WHRN: variants seen among roughly 807,000 people sequenced by gnomAD.
WHRN encodes the protein CASK-interacting protein CIP98.
A neutral mutation model predicts 68.3 loss-of-function variants in WHRN; 41 were observed. The observed-to-expected ratio is 0.60, with a 90% CI of 0.47 to 0.78. WHRN has a LOEUF of 0.78. Among genes scored for constraint, WHRN ranks in the 30% least tolerant of loss-of-function variants. The probability of loss-of-function intolerance (pLI) is 0.00; values close to 1 mark genes in which losing one functional copy is unlikely to be tolerated. For missense variants in WHRN, 1,243 were observed against 1,244.7 expected (o/e 1.00, Z 0.02); for synonymous variants, 560 against 561.3 (o/e 1.00, Z 0.03).
chr9:114,460,661 GA>G (rs1323075096), intron 3 of WHRN, among the ~76,000 whole-genome samples: 1 of 152,146 alleles, frequency 6.6e-6, no homozygotes, highest in Non-Finnish European at 1.5e-5. Flanking sequence ...CAAATGCTGA[GA>G]ACCTGCCTGA....
chr9:114,419,123 G>C (rs1304058242), intron 7 of WHRN, among the ~76,000 whole-genome samples: 1 of 152,154 alleles, frequency 6.6e-6, no homozygotes, highest in African/African-American at 2.4e-5. Flanking sequence ...AGATGGCAGG[G>C]GTAACAACAG....
Position 114,403,315 on chromosome 9 carries a change from T to C in WHRN, c.2443A>G (p.Thr815Ala), listed in dbSNP as rs1169575344. The change falls in exon 11 of 12, where the codon ACT (threonine) becomes GCT (alanine). Residue 815 changes from threonine (T) to alanine (A), a missense_variant. Transcript: ENST00000362057. ...GCACTTTTCTTCACACGGACCAGAGTGGACGTGGGCTCCAGAAGTCCAGGC... is the reference window on the plus strand; with the variant it reads ...GCACTTTTCTTCACACGGACCAGAGCGGACGTGGGCTCCAGAAGTCCAGGC... Reference protein sequence around the residue: ...KPPGLLEPTSTLVRVKKSAAT... With the variant: ...KPPGLLEPTSALVRVKKSAAT... The C allele has an allele frequency of 6.2e-7, 1 of 1,613,686 alleles. No homozygotes were observed.
intron 1 of WHRN, among the ~76,000 whole-genome samples, chr9:114,493,379 T>TGGGGGGGGTG (rs60740371): frequency 2.8e-5 from 1 of 35,418 alleles, no homozygotes; most frequent in African/African-American, 1.1e-4. Context: ...AAAGTGGGGG[T>TGGGGGGGGTG]GGGGGGGTGG....
intron 1 of WHRN, among the ~76,000 whole-genome samples, chr9:114,484,554 A>G (rs1220389706): frequency 6.6e-6 from 1 of 152,200 alleles, no homozygotes; most frequent in East Asian, 1.9e-4. Flanking sequence ...AGATCTGGGG[A>G]GAGCCCACCG....
At chr9:114,491,765 TC>T in intron 1 of WHRN, 1 of 270,664 alleles carries the variant, frequency 3.7e-6, no homozygotes. Flanking sequence ...TGTCCAACCC[TC>T]CCGCCCTTTG....
intron 3 of WHRN, among the ~76,000 whole-genome samples, chr9:114,452,441 A>G (rs1564171078): frequency 1.3e-5 from 2 of 152,220 alleles, no homozygotes; most frequent in African/African-American, 4.8e-5. Flanking sequence ...GGCACACAGT[A>G]AGTATCCGGG....
At chr9:114,459,446 G>C (rs1589183797) in intron 3 of WHRN, among the ~76,000 whole-genome samples, 2 of 132,580 alleles carry the variant, frequency 1.5e-5, no homozygotes, top group East Asian at 5.0e-4. Flanking sequence ...CTGGGCAATA[G>C]AGCGAGAGTT....
At chr9:114,493,370 AAGT>A (rs1843159288) in intron 1 of WHRN, among the ~76,000 whole-genome samples, 2 of 45,332 alleles carry the variant, frequency 4.4e-5, no homozygotes, top group Non-Finnish European at 4.2e-5. Flanking sequence ...AAAAAAAAAA[AAGT>A]GGGGGTGGGG....
At chr9:114,441,540 A>G (rs939986825) in intron 3 of WHRN, among the ~76,000 whole-genome samples, 1 of 152,216 alleles carries the variant, frequency 6.6e-6, no homozygotes, top group Non-Finnish European at 1.5e-5. Flanking sequence ...GTACAAGATG[A>G]GCCTGAACCA....
rs117777723 is a variant in WHRN, at chr9:114,442,748, A to G, written c.964-16335T>C. On this transcript the variant is annotated intron_variant, in intron 3 of 11. Coordinates refer to ENST00000362057, the MANE Select transcript of WHRN (RefSeq NM_015404.4). ...CCTGCTCTCCTTTGCCTTCTGCCAT[A>G]AGTGGAAGCTTCCTGAGGTCCTCAC... Among the ~76,000 whole-genome samples, 1,149 of 152,186 alleles carry G rather than the reference A, an allele frequency of 7.5e-3. 15 individuals carry two copies. The highest frequency in any genetic ancestry group is 0.034 in the South Asian group (163 of 4,814).
chr9:114,473,011 C>T (rs1438818008), intron 2 of WHRN, among the ~76,000 whole-genome samples: 1 of 152,208 alleles, frequency 6.6e-6, no homozygotes, highest in East Asian at 1.9e-4. Flanking sequence ...AGCCCCTGCT[C>T]CTTGTGTTCC....
chr9:114,480,657 T>C (rs1161082142), intron 1 of WHRN, among the ~76,000 whole-genome samples: 4 of 152,200 alleles, frequency 2.6e-5, no homozygotes, highest in Non-Finnish European at 5.9e-5. Flanking sequence ...GTCTATGGTA[T>C]TTTGTTATGG....
chr9:114,405,795 C>T (rs188373971), intron 9 of WHRN, among the ~76,000 whole-genome samples: 1 of 152,250 alleles, frequency 6.6e-6, no homozygotes, highest in African/African-American at 2.4e-5. Flanking sequence ...CACTCACAGG[C>T]GGGAGCTCCA....
chr9:114,496,158 T>C (rs1843438370), intron 1 of WHRN, among the ~76,000 whole-genome samples: 3 of 152,152 alleles, frequency 2.0e-5, no homozygotes, highest in South Asian at 4.1e-4. Flanking sequence ...TCAGGGTCCC[T>C]GGGGAGGCCA....
intron 9 of WHRN, among the ~76,000 whole-genome samples, chr9:114,404,920 T>C (rs912153751): frequency 1.3e-5 from 2 of 151,736 alleles, no homozygotes; most frequent in Non-Finnish European, 2.9e-5. Flanking sequence ...GTTATACACA[T>C]AGTGAAGCAG....
Position 114,402,302 on chromosome 9 carries a change from T to A in WHRN, c.*452A>T, listed in dbSNP as rs1296290440. 4.6e-6 allele frequency: 1 copy of A among 216,276 alleles called. No individual in the cohort carries two copies. Among genetic ancestry groups the A allele is most frequent in the Non-Finnish European group, 9.5e-6 (1 of 105,468 alleles). 13.4% of individuals were successfully genotyped at this position (216,276 alleles called of 1,614,324 possible). A position where few individuals can be genotyped will look rare whatever the true frequency, so the allele number is the denominator to read the frequency against. On this transcript the variant is annotated 3_prime_UTR_variant, in exon 12 of 12. Coordinates refer to ENST00000362057, the MANE Select transcript of WHRN (RefSeq NM_015404.4). ...GGGGTGTGAATGGGGAGGTGCTCGA[T>A]GCTTATTTGTGGCACTAAAGGTCTT...
chr9:114,402,928 G>T lies in WHRN; in HGVS notation c.2550C>A (p.Gly850=). ...LPRIVTIQRG[G]SAHNCGQLKV... Reference sequence around the variant, plus strand: ...TGAGCTGCCCACAGTTGTGAGCTGAGCCGCCTCTCTGCAGGGAGGAGACAC... The same window carrying T: ...TGAGCTGCCCACAGTTGTGAGCTGATCCGCCTCTCTGCAGGGAGGAGACAC... Residue 850 remains glycine, a synonymous_variant, in exon 12 of 12, where the codon GGC becomes GGA. Transcript: ENST00000362057. 1 of 1,610,100 alleles carries T rather than the reference G, an allele frequency of 6.2e-7. No individual in the cohort carries two copies.
At chr9:114,412,401 C>A (rs1370430784) in intron 7 of WHRN, among the ~76,000 whole-genome samples, 9 of 152,194 alleles carry the variant, frequency 5.9e-5, no homozygotes, top group Admixed American at 5.9e-4. Context: ...CCCACTGAGG[C>A]CAGAGCCTCA....
intron 7 of WHRN, among the ~76,000 whole-genome samples, chr9:114,412,779 G>A (rs749711091): frequency 3.5e-4 from 54 of 152,196 alleles, no homozygotes; most frequent in Non-Finnish European, 6.6e-4. Context: ...AATGAAGAGG[G>A]GCAACCTTTG....
Sources: allele counts gnomAD v4.1 joint callset (sites outside exome capture counted in the v4.1 genomes callset), GRCh38; gene constraint gnomAD v4.1.1; transcripts MANE v1.5; gene names NCBI Gene and HGNC (gene_info 2026-07-23, HGNC 2026-07-21).